The following CATSPERB variants were observed in gnomAD, a reference collection of about 807,000 sequenced individuals.
CATSPERB encodes cation channel sperm-associated auxiliary subunit beta.
A neutral mutation model predicts 128.3 loss-of-function variants in CATSPERB; 93 were observed. That is an observed-to-expected ratio of 0.72 (90% CI 0.61 to 0.86). CATSPERB has a LOEUF of 0.86. CATSPERB is among the 40% of genes least tolerant of loss of function. CATSPERB has a pLI of 0.00. For synonymous variants in CATSPERB, 381 were observed against 448.8 expected, an observed-to-expected ratio of 0.85 and a Z score of 1.91; for missense variants, 1,153 against 1,329.5, an observed-to-expected ratio of 0.87 and a Z score of 2.06.
chr14:91,608,723 T>A (rs1158371194), intron 21 of CATSPERB, among the ~76,000 whole-genome samples: 1 of 152,240 alleles, frequency 6.6e-6, no homozygotes, highest in Non-Finnish European at 1.5e-5. Context: ...ATTTGCTTTT[T>A]GTCACAAAGA....
intron 5 of CATSPERB, 152 bp from the exon 6 acceptor site, chr14:91,708,388 T>G (rs1186566327): frequency 1.0e-5 from 6 of 588,100 alleles, no homozygotes; most frequent in African/African-American, 1.9e-5. Context: ...ACGTTTTCCC[T>G]ATAAACATTT....
chr14:91,624,765 G>T (rs919526659), intron 18 of CATSPERB, 55 bp downstream of exon 18: 1 of 1,326,396 alleles, frequency 7.5e-7, no homozygotes, highest in Admixed American at 2.7e-5. Flanking sequence ...CTTCACAAAA[G>T]ATAATTTTTC....
At chr14:91,590,471 C>T (rs530800509) in intron 23 of CATSPERB, among the ~76,000 whole-genome samples, 7 of 152,062 alleles carry the variant, frequency 4.6e-5, no homozygotes, top group African/African-American at 1.7e-4. Flanking sequence ...GCGGAGGTTG[C>T]GGTGAGCTGA....
chr14:91,607,705 T>A (rs1893737767), intron 22 of CATSPERB, among the ~76,000 whole-genome samples: 1 of 152,112 alleles, frequency 6.6e-6, no homozygotes, highest in Non-Finnish European at 1.5e-5. Flanking sequence ...CACATGTGTA[T>A]GAATGAATAT....
chr14:91,674,190 T>C lies in CATSPERB; in HGVS notation c.964A>G (p.Arg322Gly). ...DYVTVTFERN[R>G]TLSESSSCFY... is the part of the protein sequence containing the mutation. ...CAATATCATACCTCACTTAGGGTTCTGTTTCTCTCAAAGGTAACTGTAACA... is the reference window on the plus strand; with the variant it reads ...CAATATCATACCTCACTTAGGGTTCCGTTTCTCTCAAAGGTAACTGTAACA... Residue 322 changes from arginine (R) to glycine (G), a missense_variant, in exon 12 of 27, where the codon AGA (arginine) becomes GGA (glycine). Physicochemically the swap from Arg to Gly is moderately radical, Grantham distance 125. Transcript: ENST00000256343. The C allele has an allele frequency of 6.5e-7, 1 of 1,543,580 alleles. No homozygotes were observed. The highest frequency in any genetic ancestry group is 8.9e-7 in the Non-Finnish European group (1 of 1,124,924).
intron 7 of CATSPERB, among the ~76,000 whole-genome samples, chr14:91,698,037 T>A (rs7149246): frequency 0.044 from 6,653 of 152,224 alleles, 510 homozygotes; most frequent in African/African-American, 0.15. Flanking sequence ...TTCGTTTGTA[T>A]CATCTATGAT....
At chr14:91,595,007 G>C (rs1452384983) in intron 22 of CATSPERB, among the ~76,000 whole-genome samples, 2 of 152,050 alleles carry the variant, frequency 1.3e-5, no homozygotes, top group Non-Finnish European at 2.9e-5. Flanking sequence ...AAGACTTGTA[G>C]TCAAGAAAAA....
chr14:91,608,137 G>A (rs1399970115), intron 22 of CATSPERB, among the ~76,000 whole-genome samples, 157 bp downstream of exon 22: 1 of 152,208 alleles, frequency 6.6e-6, no homozygotes, highest in East Asian at 1.9e-4. Flanking sequence ...ATAGCTGTAA[G>A]AGGAGGGGCT....
At position 91,639,182 on chromosome 14, in the gene CATSPERB, C is replaced by T; in HGVS notation, c.1501G>A (p.Gly501Arg). 1.2e-6 allele frequency: 2 copies of T among 1,613,840 alleles called. No individual in the cohort carries two copies. Among genetic ancestry groups the T allele is most frequent in the Non-Finnish European group, 1.7e-6 (2 of 1,179,862 alleles). Residue 501 changes from glycine to arginine, a missense_variant, in exon 16 of 27, where the codon GGA (glycine) becomes AGA (arginine). By Grantham distance (125) the Gly-to-Arg change is moderately radical. Coordinates refer to ENST00000256343, the MANE Select transcript of CATSPERB (RefSeq NM_024764.4). ...CCCAGAGTCAGCTTATGTAGGAATC[C>T]CAAGTGATCATAGTATAATGTGAAA... ...RIFTLYYDHL[G>R]FLHKLTLGRF...
At position 91,720,069 on chromosome 14, in the gene CATSPERB, GA is replaced by G. The variant is rs1156922294; in HGVS notation, c.310-592del. On this transcript the variant is annotated intron_variant, in intron 4 of 26. Coordinates refer to ENST00000256343, the MANE Select transcript of CATSPERB (RefSeq NM_024764.4). ...CGTGTGGTACAATTCTTCTTTTGAA[GA>G]AATAATGGCTGGAAACATTCCAAAT... 2.6e-5 allele frequency among the ~76,000 whole-genome samples: 4 copies of G among 152,162 alleles called. No individual in the cohort carries two copies. In the East Asian group the frequency reaches 7.7e-4, roughly 29 times the overall value.
intron 26 of CATSPERB, among the ~76,000 whole-genome samples, chr14:91,583,716 G>A (rs1893249042): frequency 6.6e-6 from 1 of 151,848 alleles, no homozygotes; most frequent in Non-Finnish European, 1.5e-5. Flanking sequence ...AATAACCACA[G>A]TGCAATGATC....
At chr14:91,649,504 T>A (rs116058151) in intron 15 of CATSPERB, among the ~76,000 whole-genome samples, 43,730 of 150,214 alleles carry the variant, frequency 0.29, 6,397 homozygotes, top group Middle Eastern at 0.34. Flanking sequence ...GTACACACTT[T>A]TTTTTTTTTT....
At chr14:91,609,628 T>G (rs890754877) in intron 21 of CATSPERB, among the ~76,000 whole-genome samples, 1 of 152,274 alleles carries the variant, frequency 6.6e-6, no homozygotes, top group South Asian at 2.1e-4. Context: ...GATTTGTGTA[T>G]AGTTTATGAT....
intron 12 of CATSPERB, 150 bp from the exon 13 acceptor site, chr14:91,673,166 C>A (rs568904754): frequency 8.8e-6 from 6 of 683,270 alleles, no homozygotes; most frequent in African/African-American, 5.7e-5. Context: ...GTCTTAAAAC[C>A]CACTGGTCTT....
At chr14:91,719,105 T>C (rs998398955) in intron 5 of CATSPERB, among the ~76,000 whole-genome samples, 1 of 152,168 alleles carries the variant, frequency 6.6e-6, no homozygotes, top group African/African-American at 2.4e-5. Flanking sequence ...TTCAGTAAAA[T>C]AAATTAGTAC....
intron 14 of CATSPERB, among the ~76,000 whole-genome samples, chr14:91,668,768 G>A (rs1233356929): frequency 6.6e-6 from 1 of 152,128 alleles, no homozygotes; most frequent in Non-Finnish European, 1.5e-5. Flanking sequence ...AACACTCACT[G>A]CGAAGGTCTG....
At chr14:91,657,792 G>A (rs1894811935) in intron 15 of CATSPERB, among the ~76,000 whole-genome samples, 1 of 152,110 alleles carries the variant, frequency 6.6e-6, no homozygotes, top group Admixed American at 6.5e-5. Flanking sequence ...GACCATCGGT[G>A]AAATACAAAT....
intron 22 of CATSPERB, among the ~76,000 whole-genome samples, chr14:91,599,961 G>A (rs937736371): frequency 6.6e-6 from 1 of 152,132 alleles, no homozygotes; most frequent in Non-Finnish European, 1.5e-5. Flanking sequence ...AGTGATATTG[G>A]GGGCCCAAGA....
intron 20 of CATSPERB, among the ~76,000 whole-genome samples, chr14:91,612,340 G>A (rs570732634): frequency 6.6e-6 from 1 of 152,092 alleles, no homozygotes; most frequent in Middle Eastern, 3.4e-3. Context: ...TTATAGAGAC[G>A]GGGTCTCGCT....
Sources: gnomAD v4.1 joint callset for allele counts (sites outside exome capture counted in the v4.1 genomes callset) on GRCh38, gnomAD v4.1.1 for gene constraint, MANE v1.5 for transcripts, NCBI Gene and HGNC (gene_info 2026-07-23, HGNC 2026-07-21) for gene names.